The following SUMF1 variants were observed in gnomAD, a reference collection of about 807,000 sequenced individuals.
SUMF1 encodes the protein formylglycine-generating enzyme.
In SUMF1, 48 loss-of-function variants were observed where a neutral mutation model predicts 47.6. That is an observed-to-expected ratio of 1.01 (90% CI 0.80 to 1.28). SUMF1 has a LOEUF of 1.28. Ranked by LOEUF, SUMF1 falls within the 50% of genes most tolerant of loss-of-function variation. SUMF1 has a pLI of 0.00. For synonymous variants in SUMF1, 230 were observed against 192.1 expected (o/e 1.20, Z -1.63); for missense variants, 571 against 485.4 (o/e 1.18, Z -1.66).
At chr3:4,330,216 C>T (rs1329801178) in intron 8 of SUMF1, among the ~76,000 whole-genome samples, 1 of 152,342 alleles carries the variant, frequency 6.6e-6, no homozygotes, top group Middle Eastern at 3.4e-3. Context: ...CTGTTCCAAC[C>T]TCTGCCTGTT....
intron 8 of SUMF1, among the ~76,000 whole-genome samples, chr3:4,182,568 A>C (rs1028539698): frequency 6.6e-6 from 1 of 152,052 alleles, no homozygotes; most frequent in African/African-American, 2.4e-5. Context: ...AAAGAGCTAG[A>C]ATAGTTCAAT....
intron 8 of SUMF1, among the ~76,000 whole-genome samples, chr3:4,300,360 A>C (rs559888384): frequency 6.6e-6 from 1 of 152,338 alleles, no homozygotes; most frequent in Admixed American, 6.5e-5. Context: ...GCCATGAGCC[A>C]ATTAAACCTC....
chr3:4,408,785 A>G (rs1701452005), intron 7 of SUMF1, among the ~76,000 whole-genome samples: 1 of 152,122 alleles, frequency 6.6e-6, no homozygotes, highest in South Asian at 2.1e-4. Context: ...AGTCTGGCCA[A>G]AATGGCGAAA....
intron 8 of SUMF1, among the ~76,000 whole-genome samples, chr3:4,372,243 G>T (rs1700191639): frequency 6.6e-6 from 1 of 152,164 alleles, no homozygotes; most frequent in Non-Finnish European, 1.5e-5. Flanking sequence ...GGACATTGCA[G>T]TGAGCCTAGA....
chr3:4,298,261 G>C (rs1697899349), intron 8 of SUMF1, among the ~76,000 whole-genome samples: 1 of 152,190 alleles, frequency 6.6e-6, no homozygotes, highest in East Asian at 1.9e-4. Flanking sequence ...ATGAAAAGCA[G>C]TTGTCTAGAG....
At chr3:4,063,262 C>CCAGA (rs1695303231) in intron 9 of SUMF1, among the ~76,000 whole-genome samples, 2 of 152,134 alleles carry the variant, frequency 1.3e-5, no homozygotes, top group South Asian at 4.2e-4. Context: ...GATTTACAAC[C>CCAGA]CAGACCACTA....
intron 8 of SUMF1, among the ~76,000 whole-genome samples, chr3:4,263,721 C>A (rs994376203): frequency 4.6e-5 from 7 of 152,174 alleles, no homozygotes; most frequent in Non-Finnish European, 7.4e-5. Context: ...TTCCCTTGCC[C>A]CCTTATTAAG....
At chr3:4,452,158 C>A (rs1213858382) in intron 2 of SUMF1, among the ~76,000 whole-genome samples, 1 of 150,112 alleles carries the variant, frequency 6.7e-6, no homozygotes, top group Admixed American at 6.6e-5. Flanking sequence ...AGGGACCCCA[C>A]GAACTGAAGA....
chr3:4,200,999 AT>A (rs987499425), intron 8 of SUMF1, among the ~76,000 whole-genome samples: 2 of 151,792 alleles, frequency 1.3e-5, no homozygotes, highest in Admixed American at 6.6e-5. Context: ...TTTGTTTGTA[AT>A]TTTTTATAGG....
chr3:4,390,087 C>T (rs1700807139), intron 7 of SUMF1, among the ~76,000 whole-genome samples: 1 of 152,088 alleles, frequency 6.6e-6, no homozygotes, highest in Admixed American at 6.6e-5. Context: ...TTATTAACAC[C>T]CTGTTTTAGC....
At chr3:4,310,525 G>A (rs562204669) in intron 8 of SUMF1, among the ~76,000 whole-genome samples, 15 of 152,194 alleles carry the variant, frequency 9.9e-5, no homozygotes, top group African/African-American at 3.4e-4. Flanking sequence ...ATTTAAACAG[G>A]AAATTTTCCC....
chr3:4,448,170 T>C (rs1436658528), intron 3 of SUMF1, among the ~76,000 whole-genome samples: 1 of 152,204 alleles, frequency 6.6e-6, no homozygotes, highest in Non-Finnish European at 1.5e-5. Context: ...AAACACATAT[T>C]AAAAAGTGGC....
At chr3:4,207,319 T>C (rs895780879) in intron 8 of SUMF1, among the ~76,000 whole-genome samples, 67 of 152,294 alleles carry the variant, frequency 4.4e-4, no homozygotes, top group African/African-American at 1.4e-3. Flanking sequence ...ATATCTTTAA[T>C]TTCTTATTCT....
At chr3:4,436,407 G>A (rs1348741664) in intron 3 of SUMF1, among the ~76,000 whole-genome samples, 1 of 151,952 alleles carries the variant, frequency 6.6e-6, no homozygotes, top group Non-Finnish European at 1.5e-5. Context: ...GAATTACAAT[G>A]GAATACTGAA....
intron 8 of SUMF1, among the ~76,000 whole-genome samples, chr3:4,078,370 G>A (rs1164387304): frequency 6.6e-6 from 1 of 152,028 alleles, no homozygotes; most frequent in Non-Finnish European, 1.5e-5. Flanking sequence ...AGTTCCAAAT[G>A]TAAAACAACA....
intron 8 of SUMF1, among the ~76,000 whole-genome samples, chr3:4,135,133 T>A (rs577446018): frequency 2.0e-5 from 3 of 152,250 alleles, no homozygotes; most frequent in African/African-American, 7.2e-5. Context: ...GATGCCAGCA[T>A]CATCCTGATA....
chr3:4,262,703 G>C (rs926814835), intron 8 of SUMF1, among the ~76,000 whole-genome samples: 4 of 152,100 alleles, frequency 2.6e-5, no homozygotes, highest in African/African-American at 9.7e-5. Context: ...TCACAGAAGT[G>C]AATCTCTGGC....
intron 7 of SUMF1, among the ~76,000 whole-genome samples, chr3:4,385,732 GT>G (rs1186142203): frequency 6.6e-6 from 1 of 152,118 alleles, no homozygotes; most frequent in South Asian, 2.1e-4. Flanking sequence ...TTTCTCCTGT[GT>G]TTTTTTCTAA....
chr3:4,148,510 C>A (rs1694245750), intron 8 of SUMF1, among the ~76,000 whole-genome samples: 1 of 152,070 alleles, frequency 6.6e-6, no homozygotes, highest in South Asian at 2.1e-4. Flanking sequence ...TTTCTTATTC[C>A]CCTTCCTATC....
Sources: allele counts gnomAD v4.1 joint callset (sites outside exome capture counted in the v4.1 genomes callset), GRCh38; gene constraint gnomAD v4.1.1; transcripts MANE v1.5; gene names NCBI Gene and HGNC (gene_info 2026-07-23, HGNC 2026-07-21).